The following MEGF10 variants were observed in gnomAD, a reference collection of about 807,000 sequenced individuals.
MEGF10 encodes multiple epidermal growth factor-like domains protein 10.
Under a neutral mutation model 147.5 loss-of-function variants are expected in MEGF10, and 86 were observed. The observed-to-expected ratio is 0.58, with a 90% confidence interval of 0.49 to 0.70. The LOEUF is 0.70. MEGF10 is among the 30% of genes least tolerant of loss of function. The pLI, the probability that MEGF10 is intolerant of heterozygous loss-of-function variation, is 0.00. For synonymous variants in MEGF10, 478 were observed against 525.5 expected, an observed-to-expected ratio of 0.91 and a Z score of 1.24; for missense variants, 1,329 against 1,487.3, an observed-to-expected ratio of 0.89 and a Z score of 1.75.
At chr5:127,401,858 C>T (rs12234066) in intron 7 of MEGF10, among the ~76,000 whole-genome samples, 155 of 152,080 alleles carry the variant, frequency 1.0e-3, no homozygotes, top group Non-Finnish European at 1.5e-3. Flanking sequence ...GAAATATCCA[C>T]GTTACTCTCT....
At chr5:127,272,300 T>TGTACCA in the MEGF10 span, among the ~76,000 whole-genome samples, 1 of 152,216 alleles carries the variant, frequency 6.6e-6, no homozygotes, top group African/African-American at 2.4e-5. Context: ...TGTCTGTTCT[T>TGTACCA]GTACCAGTAC....
At chr5:127,356,883 T>A (rs2126831667) in intron 4 of MEGF10, among the ~76,000 whole-genome samples, 1 of 152,286 alleles carries the variant, frequency 6.6e-6, no homozygotes, top group African/African-American at 2.4e-5. Context: ...ATGCCTGCAG[T>A]AAAGGCATGT....
At chr5:127,399,096 A>G (rs1035529724) in intron 7 of MEGF10, among the ~76,000 whole-genome samples, 1 of 152,256 alleles carries the variant, frequency 6.6e-6, no homozygotes, top group African/African-American at 2.4e-5. Context: ...CTAGTCTCAC[A>G]TGACAGTCAG....
intron 1 of MEGF10, among the ~76,000 whole-genome samples, chr5:127,325,986 C>T (rs1489895213): frequency 6.7e-6 from 1 of 150,050 alleles, no homozygotes; most frequent in Non-Finnish European, 1.5e-5. Context: ...TCACTGTAGC[C>T]TTGACCTTCG....
the MEGF10 span, among the ~76,000 whole-genome samples, chr5:127,283,074 G>T: frequency 6.6e-6 from 1 of 152,044 alleles, no homozygotes; most frequent in Non-Finnish European, 1.5e-5. Context: ...CCTCAGTGTT[G>T]TTTTTATTAA....
intron 8 of MEGF10, among the ~76,000 whole-genome samples, chr5:127,408,563 G>A (rs1764421318): frequency 6.6e-6 from 1 of 152,114 alleles, no homozygotes; most frequent in African/African-American, 2.4e-5. Context: ...TCCAAAAATA[G>A]GTGTACCCAT....
At chr5:127,264,265 T>C in the MEGF10 span, among the ~76,000 whole-genome samples, 9 of 152,108 alleles carry the variant, frequency 5.9e-5, no homozygotes, top group African/African-American at 2.2e-4. Context: ...TAACATACCA[T>C]CTCATTTAAT....
In MEGF10 at chr5:127,410,664, T is replaced by A. The variant is rs555446046; in HGVS notation, c.1130+63T>A. On this transcript the variant is annotated intron_variant, in intron 9 of 24. Transcript: ENST00000503335. Reference sequence around the variant, plus strand: ...AAAGTTTTAACCTTGGTTTTCAGGATTTGGAAGGAGGGATTGATAGAGTGA... The same window carrying A: ...AAAGTTTTAACCTTGGTTTTCAGGAATTGGAAGGAGGGATTGATAGAGTGA... 21 of 1,429,844 alleles carry A rather than the reference T, an allele frequency of 1.5e-5. No homozygotes were observed. In the African/African-American group the frequency reaches 3.0e-4, roughly 20 times the overall value. The allele number at this position is 1,429,844 out of a possible 1,614,324, so 88.6% of individuals were successfully genotyped here.
intron 4 of MEGF10, among the ~76,000 whole-genome samples, chr5:127,351,005 G>A (rs1368319772): frequency 1.3e-5 from 2 of 151,910 alleles, no homozygotes; most frequent in African/African-American, 2.4e-5. Flanking sequence ...GAAGGATAGT[G>A]GGGGTGGGGT....
intron 4 of MEGF10, among the ~76,000 whole-genome samples, chr5:127,348,435 AT>A (rs1372406817): frequency 6.6e-6 from 1 of 151,978 alleles, no homozygotes; most frequent in South Asian, 2.1e-4. Context: ...TACTTTTTTG[AT>A]TTTTTTATCT....
chr5:127,361,063 A>ATTTACT (rs1762454375), intron 4 of MEGF10, among the ~76,000 whole-genome samples: 2 of 151,970 alleles, frequency 1.3e-5, no homozygotes, highest in Non-Finnish European at 2.9e-5. Flanking sequence ...ACAGTTGGGA[A>ATTTACT]GCTGGGAAGT....
At chr5:127,391,461 C>T (rs949784158) in intron 5 of MEGF10, among the ~76,000 whole-genome samples, 1 of 151,586 alleles carries the variant, frequency 6.6e-6, no homozygotes, top group Non-Finnish European at 1.5e-5. Context: ...TCTATAGTCC[C>T]GGCTACTCAG....
intron 2 of MEGF10, among the ~76,000 whole-genome samples, chr5:127,336,282 T>C (rs918007541): frequency 6.6e-5 from 10 of 151,878 alleles, no homozygotes; most frequent in Non-Finnish European, 1.5e-4. Flanking sequence ...TATACTCCTA[T>C]TTCCCCCAAG....
At chr5:127,258,907 A>T in the MEGF10 span, among the ~76,000 whole-genome samples, 2,508 of 152,264 alleles carry the variant, frequency 0.016, 58 homozygotes, top group East Asian at 0.085. Context: ...GTATTCTCTT[A>T]TAGTAACACA....
intron 5 of MEGF10, among the ~76,000 whole-genome samples, chr5:127,389,728 C>T (rs1158987190): frequency 1.3e-5 from 2 of 152,034 alleles, no homozygotes; most frequent in African/African-American, 2.4e-5. Flanking sequence ...ACCGAGAACA[C>T]ATGGACACAT....
chr5:127,320,653 C>T (rs1022130155), intron 1 of MEGF10, among the ~76,000 whole-genome samples: 4 of 152,194 alleles, frequency 2.6e-5, no homozygotes, highest in Non-Finnish European at 5.9e-5. Flanking sequence ...AATGTCCTGA[C>T]CAAATGCAGC....
At chr5:127,396,844 C>A in intron 6 of MEGF10, 66 bp downstream of exon 6, 1 of 1,562,650 alleles carries the variant, frequency 6.4e-7, no homozygotes. Context: ...GCTGCTGCTG[C>A]CATCATATTT....
chr5:127,332,808 A>T (rs1188297654), intron 2 of MEGF10, among the ~76,000 whole-genome samples: 1 of 152,178 alleles, frequency 6.6e-6, no homozygotes, highest in Non-Finnish European at 1.5e-5. Context: ...GTCATGAATC[A>T]TTGGCTACAT....
At chr5:127,386,733 GACAA>G (rs1017334898) in intron 5 of MEGF10, among the ~76,000 whole-genome samples, 1 of 152,180 alleles carries the variant, frequency 6.6e-6, no homozygotes, top group African/African-American at 2.4e-5. Flanking sequence ...ATTCATGCAA[GACAA>G]ACAAATAATA....
Sources: allele counts gnomAD v4.1 joint callset (sites outside exome capture counted in the v4.1 genomes callset), GRCh38; gene constraint gnomAD v4.1.1; transcripts MANE v1.5; gene names NCBI Gene and HGNC (gene_info 2026-07-23, HGNC 2026-07-21).